TBL1XR1: variants seen among roughly 807,000 people sequenced by gnomAD.
TBL1XR1 encodes TBL1X/Y related 1, also known as F-box-like/WD repeat-containing protein TBL1XR1.
Under a neutral mutation model 66.9 loss-of-function variants are expected in TBL1XR1, and 5 were observed. That is an observed-to-expected ratio of 0.07 (90% CI 0.04 to 0.16). The LOEUF (loss-of-function observed/expected upper bound fraction) is 0.16. Ranked by LOEUF, TBL1XR1 falls within the 10% of genes least tolerant of loss-of-function variation. TBL1XR1 has a pLI of 1.00. For missense variants in TBL1XR1, 238 were observed against 623.2 expected (o/e 0.38, Z 6.58); for synonymous variants, 210 against 206.0 (o/e 1.02, Z -0.17).
At chr3:177,080,864 A>AC (rs1721307858) in intron 2 of TBL1XR1, among the ~76,000 whole-genome samples, 1 of 152,168 alleles carries the variant, frequency 6.6e-6, no homozygotes, top group Non-Finnish European at 1.5e-5. Flanking sequence ...CTGATGTTCT[A>AC]CTTTATATTT....
intron 3 of TBL1XR1, among the ~76,000 whole-genome samples, 161 bp from the exon 4 acceptor site, chr3:177,054,079 C>CGT (rs1362639352): frequency 2.0e-5 from 3 of 149,574 alleles, no homozygotes; most frequent in Non-Finnish European, 3.0e-5. Flanking sequence ...TGTGTGCGCG[C>CGT]GCGTGTGTGT....
chr3:177,090,516 C>CCAAAA (rs1722689773), intron 2 of TBL1XR1, among the ~76,000 whole-genome samples: 1 of 60,644 alleles, frequency 1.6e-5, no homozygotes, highest in African/African-American at 7.4e-5. Flanking sequence ...ACTGTCTCTA[C>CCAAAA]TAAAAAAAAA....
intron 14 of TBL1XR1, among the ~76,000 whole-genome samples, chr3:177,029,599 C>T (rs535490069): frequency 2.0e-5 from 3 of 152,004 alleles, no homozygotes; most frequent in South Asian, 2.1e-4. Flanking sequence ...CCAGCCTAGG[C>T]GACATAGTGA....
At chr3:177,148,618 G>A (rs1163463081) in intron 1 of TBL1XR1, among the ~76,000 whole-genome samples, 3 of 152,094 alleles carry the variant, frequency 2.0e-5, no homozygotes, top group Non-Finnish European at 4.4e-5. Context: ...AGGAGGCTGA[G>A]GCAGGAGAAT....
At chr3:177,091,352 CTACTT>C (rs1490728674) in intron 2 of TBL1XR1, among the ~76,000 whole-genome samples, 3 of 151,910 alleles carry the variant, frequency 2.0e-5, no homozygotes, top group African/African-American at 4.8e-5. Flanking sequence ...CATTTATACT[CTACTT>C]TTGTTTAATA....
chr3:177,181,533 C>T (rs1734822946), intron 1 of TBL1XR1, among the ~76,000 whole-genome samples: 2 of 151,184 alleles, frequency 1.3e-5, no homozygotes, highest in Non-Finnish European at 2.9e-5. Context: ...GTAGAAAACA[C>T]GGGAAAATAC....
chr3:177,112,108 T>TATATATATATATA (rs1553846589), intron 1 of TBL1XR1, among the ~76,000 whole-genome samples: 52 of 35,614 alleles, frequency 1.5e-3, no homozygotes, highest in African/African-American at 2.6e-3. Flanking sequence ...TATATATATA[T>TATATATATATATA]TTTTTTTTTT....
At chr3:177,064,871 G>T in intron 3 of TBL1XR1, 49 bp downstream of exon 3, 2 of 1,205,912 alleles carry the variant, frequency 1.7e-6, no homozygotes, top group Admixed American at 2.4e-5. Flanking sequence ...AGATTATTTT[G>T]AGAATATTAA....
At chr3:177,046,042 C>T (rs993901593) in intron 10 of TBL1XR1, 87 bp downstream of exon 10, 1 of 1,047,892 alleles carries the variant, frequency 9.5e-7, no homozygotes, top group African/African-American at 1.7e-5. Flanking sequence ...GATATTTCAA[C>T]ATTTAAAATA....
intron 2 of TBL1XR1, among the ~76,000 whole-genome samples, chr3:177,081,599 A>G (rs1721396546): frequency 6.6e-6 from 1 of 152,066 alleles, no homozygotes; most frequent in Non-Finnish European, 1.5e-5. Flanking sequence ...AGAGTTTTAA[A>G]TATTAGTGCA....
chr3:177,084,510 G>C (rs1341547422), intron 2 of TBL1XR1, among the ~76,000 whole-genome samples: 1 of 152,248 alleles, frequency 6.6e-6, no homozygotes, highest in Admixed American at 6.5e-5. Flanking sequence ...CTATTGCTTA[G>C]GAGTATTCCA....
At chr3:177,090,157 T>A (rs1395311805) in intron 2 of TBL1XR1, among the ~76,000 whole-genome samples, 1 of 152,176 alleles carries the variant, frequency 6.6e-6, no homozygotes, top group African/African-American at 2.4e-5. Context: ...AAAGACTATC[T>A]CTATGTCCTG....
rs34278942 is a variant in TBL1XR1, at chr3:177,171,702, CAAAAAAAAAAAAA to C, written c.-122+25406_-122+25418del. On this transcript the variant is annotated intron_variant, in intron 1 of 15. Transcript: ENST00000457928. ...TGGGCAACAGAGCCAGACTCCGTCT[CAAAAAAAAAAAAA>C]AAAAAAAAAAAAGTTTGCTGTGATT... is the stretch of plus-strand genomic sequence containing the variant. Among the ~76,000 whole-genome samples the C allele has an allele frequency of 5.9e-4, 28 of 47,308 alleles. 1 individual carries two copies. The highest frequency in any genetic ancestry group is 2.8e-4 in the Non-Finnish European group (8 of 28,152). The allele number at this position is 47,308 out of a possible 152,430, so 31.0% of individuals were successfully genotyped here.
At chr3:177,165,157 G>A (rs1007103164) in intron 1 of TBL1XR1, among the ~76,000 whole-genome samples, 5 of 151,842 alleles carry the variant, frequency 3.3e-5, no homozygotes, top group East Asian at 3.9e-4. Flanking sequence ...AAATCTGAAA[G>A]AACTGACAAA....
chr3:177,183,037 T>C (rs1273112988), intron 1 of TBL1XR1, among the ~76,000 whole-genome samples: 1 of 152,286 alleles, frequency 6.6e-6, no homozygotes, highest in East Asian at 1.9e-4. Context: ...ACTTCTTATG[T>C]ATGCCTTACA....
intron 1 of TBL1XR1, chr3:177,194,187 AAACTGAACGATACTCAAC>A (rs1316682595): frequency 6.6e-6 from 1 of 152,228 alleles, no homozygotes; most frequent in Non-Finnish European, 1.5e-5. Context: ...CGTGGTACCT[AAACTGAACGATACTCAAC>A]AATTCTTTAC....
intron 1 of TBL1XR1, among the ~76,000 whole-genome samples, chr3:177,174,144 T>A (rs1733885053): frequency 6.6e-6 from 1 of 152,146 alleles, no homozygotes; most frequent in Non-Finnish European, 1.5e-5. Context: ...CCGGGTGCGG[T>A]GGCTCACGCC....
chr3:177,173,642 A>G (rs1468705022), intron 1 of TBL1XR1, among the ~76,000 whole-genome samples: 1 of 152,182 alleles, frequency 6.6e-6, no homozygotes, highest in Non-Finnish European at 1.5e-5. Flanking sequence ...TAAATGCAAC[A>G]TGAGAACCTG....
At chr3:177,199,244 G>A (rs1484292784), upstream of TBL1XR1, among the ~76,000 whole-genome samples, 1 of 152,204 alleles carries the variant, frequency 6.6e-6, no homozygotes, top group Non-Finnish European at 1.5e-5. Context: ...AAAACACTAT[G>A]CAGAGTGTAC....
Sources: allele counts gnomAD v4.1 joint callset (sites outside exome capture counted in the v4.1 genomes callset), GRCh38; gene constraint gnomAD v4.1.1; transcripts MANE v1.5; gene names NCBI Gene and HGNC (gene_info 2026-07-23, HGNC 2026-07-21).